The following ADAM29 variants were observed in gnomAD, a reference collection of about 807,000 sequenced individuals.
ADAM29 encodes the protein disintegrin and metalloproteinase domain-containing protein 29.
For synonymous variants in ADAM29, 367 were observed against 342.3 expected, an observed-to-expected ratio of 1.07 and a Z score of -0.80; for missense variants, 969 against 1,001.8, an observed-to-expected ratio of 0.97 and a Z score of 0.44.
At position 174,976,884 on chromosome 4, in the gene ADAM29, A is replaced by T. The variant is rs553621982; in HGVS notation, c.1359A>T (p.Lys453Asn). ...ACTGCAAGTTCCTACCATCAGGGAA[A>T]GTGTGTAGAAAGGAGGTCAATGAAT... ...CKDCKFLPSG[K>N]VCRKEVNECD... Residue 453 changes from lysine (K) to asparagine (N), a missense_variant, in exon 5 of 5, where the codon AAA becomes AAT. Lys to Asn is a moderately conservative substitution (Grantham distance 94). Coordinates refer to ENST00000359240, the MANE Select transcript of ADAM29 (RefSeq NM_014269.4). The T allele has an allele frequency of 1.7e-5, 28 of 1,614,166 alleles. No homozygotes were observed. In the South Asian group the frequency reaches 3.1e-4, roughly 18 times the overall value.
At chr4:174,933,540 C>G (rs1182370218) in intron 3 of ADAM29, among the ~76,000 whole-genome samples, 1 of 152,066 alleles carries the variant, frequency 6.6e-6, no homozygotes, top group Non-Finnish European at 1.5e-5. Context: ...AAACATATGT[C>G]ACAGGAGTTT....
At chr4:174,939,990 C>A (rs931381686) in intron 4 of ADAM29, among the ~76,000 whole-genome samples, 2 of 151,992 alleles carry the variant, frequency 1.3e-5, no homozygotes, top group Non-Finnish European at 2.9e-5. Flanking sequence ...ACCTCCCTAC[C>A]TTTCTCCATC....
intron 4 of ADAM29, 29 bp from the exon 5 acceptor site, chr4:174,975,317 C>T: frequency 2.5e-6 from 1 of 406,554 alleles, no homozygotes; most frequent in Non-Finnish European, 4.3e-6. Context: ...GTACACTCAT[C>T]CACATGCTGC....
chr4:174,931,582 A>G (rs1743880984), intron 3 of ADAM29, among the ~76,000 whole-genome samples: 1 of 152,202 alleles, frequency 6.6e-6, no homozygotes, highest in Non-Finnish European at 1.5e-5. Context: ...TTGTTGATAG[A>G]AACATAACTT....
intron 4 of ADAM29, among the ~76,000 whole-genome samples, chr4:174,965,887 G>C (rs371155698): frequency 6.6e-6 from 1 of 152,176 alleles, no homozygotes; most frequent in East Asian, 1.9e-4. Flanking sequence ...TGAATTAGTG[G>C]GTACACAATT....
chr4:174,976,753 G>C lies in ADAM29; in HGVS notation c.1228G>C (p.Glu410Gln), dbSNP rs1279771309. Reference protein sequence around the residue: ...CGNGVVEEGEECDCGPLKHCA... With the variant: ...CGNGVVEEGEQCDCGPLKHCA... ...GAATGGTGTTGTTGAAGAAGGAGAA[G>C]AGTGTGACTGTGGACCTTTAAAGCA... Residue 410 changes from glutamate to glutamine, a missense_variant, in exon 5 of 5, where the codon GAG becomes CAG. Glu to Gln is a conservative substitution (Grantham distance 29, BLOSUM62 2). Coordinates refer to ENST00000359240, the MANE Select transcript of ADAM29 (RefSeq NM_014269.4). The C allele has an allele frequency of 1.2e-6, 2 of 1,614,042 alleles. No individual in the cohort carries two copies. Among genetic ancestry groups the C allele is most frequent in the Non-Finnish European group, 1.7e-6 (2 of 1,179,944 alleles).
At chr4:174,970,811 G>A (rs1008273528) in intron 4 of ADAM29, among the ~76,000 whole-genome samples, 1 of 152,086 alleles carries the variant, frequency 6.6e-6, no homozygotes, top group Non-Finnish European at 1.5e-5. Flanking sequence ...TTTTATTTCT[G>A]TGGCATCTGT....
intron 4 of ADAM29, among the ~76,000 whole-genome samples, chr4:174,940,120 TA>T (rs2110969424): frequency 6.6e-6 from 1 of 152,276 alleles, no homozygotes; most frequent in South Asian, 2.1e-4. Flanking sequence ...CTATTGTTTT[TA>T]ATATCTCAGG....
intron 4 of ADAM29, among the ~76,000 whole-genome samples, chr4:174,970,629 A>G (rs1053204669): frequency 6.6e-6 from 1 of 152,160 alleles, no homozygotes; most frequent in African/African-American, 2.4e-5. Context: ...ACTATAAGGT[A>G]ATACATTTGT....
At chr4:174,933,891 G>A (rs1218674705) in intron 3 of ADAM29, among the ~76,000 whole-genome samples, 1 of 152,124 alleles carries the variant, frequency 6.6e-6, no homozygotes, top group East Asian at 1.9e-4. Flanking sequence ...TGGCATTTAG[G>A]TTAATTCTGT....
At chr4:174,931,269 T>G (rs1743854694) in intron 3 of ADAM29, 95 bp downstream of exon 3, 1 of 152,196 alleles carries the variant, frequency 6.6e-6, no homozygotes, top group Admixed American at 6.5e-5. Flanking sequence ...TATTCTGGAC[T>G]TACTTCTAAA....
At chr4:174,948,884 G>T (rs1002354413) in intron 4 of ADAM29, among the ~76,000 whole-genome samples, 1 of 152,124 alleles carries the variant, frequency 6.6e-6, no homozygotes, top group Non-Finnish European at 1.5e-5. Flanking sequence ...ATCGGCGGTG[G>T]CAAAGCAGCA....
intron 4 of ADAM29, among the ~76,000 whole-genome samples, chr4:174,957,658 T>C (rs1488371369): frequency 6.6e-6 from 1 of 151,798 alleles, no homozygotes; most frequent in Non-Finnish European, 1.5e-5. Flanking sequence ...AGCCAATTAA[T>C]ATTTTTAATA....
At position 174,975,617 on chromosome 4, in the gene ADAM29, C is replaced by T. The variant is rs544557652; in HGVS notation, c.92C>T (p.Pro31Leu). The change falls in exon 5 of 5, where the codon CCG becomes CTG. Residue 31 changes from proline to leucine, a missense_variant. Pro to Leu is a moderately conservative substitution (Grantham distance 98, BLOSUM62 -3). Transcript: ENST00000359240. ...GAGCACCCCCAATATCACAGCCCTC[C>T]GGATGTGGTGATTCCTGTGAGGATA... Reference protein sequence around the residue: ...QDEHPQYHSPPDVVIPVRITG... With the variant: ...QDEHPQYHSPLDVVIPVRITG... 9.4e-5 allele frequency: 152 copies of T among 1,610,306 alleles called. No homozygotes were observed. The Middle Eastern group carries it at 1.3e-3, about 14-fold the overall frequency.
In ADAM29 at chr4:174,976,944, T is replaced by C. The variant is rs1052901062; in HGVS notation, c.1419T>C (p.His473=). The C allele has an allele frequency of 9.3e-6, 15 of 1,613,958 alleles. 1 individual carries two copies. In the Admixed American group the frequency reaches 1.8e-4, roughly 20 times the overall value. ...DLPEWCNGTS[H]KCPDDFYVED... ...CAGAGTGGTGCAATGGTACTTCCCA[T>C]AAGTGCCCAGATGACTTTTATGTGG... Residue 473 remains histidine (H), a synonymous_variant, in exon 5 of 5, where the codon CAT becomes CAC. Coordinates refer to ENST00000359240, the MANE Select transcript of ADAM29 (RefSeq NM_014269.4).
In ADAM29 at chr4:174,975,628, A is replaced by T; in HGVS notation, c.103A>T (p.Ile35Phe). 1 of 1,612,360 alleles carries T rather than the reference A, an allele frequency of 6.2e-7. No individual in the cohort carries two copies. Among genetic ancestry groups the T allele is most frequent in the Admixed American group, 1.7e-5 (1 of 59,870 alleles). The change falls in exon 5 of 5, where the codon ATT (isoleucine) becomes TTT (phenylalanine). Residue 35 changes from isoleucine to phenylalanine, a missense_variant. Physicochemically the swap from Ile to Phe is conservative, Grantham distance 21. Transcript: ENST00000359240. Reference sequence around the variant, plus strand: ...ATATCACAGCCCTCCGGATGTGGTGATTCCTGTGAGGATAACTGGCACCAC... The same window carrying T: ...ATATCACAGCCCTCCGGATGTGGTGTTTCCTGTGAGGATAACTGGCACCAC... ...PQYHSPPDVV[I>F]PVRITGTTRG...
At chr4:174,960,003 C>G (rs1579062811) in intron 4 of ADAM29, among the ~76,000 whole-genome samples, 1 of 151,958 alleles carries the variant, frequency 6.6e-6, no homozygotes, top group Non-Finnish European at 1.5e-5. Context: ...AAAGACTACT[C>G]ACATTTTCTG....
intron 4 of ADAM29, among the ~76,000 whole-genome samples, chr4:174,951,281 C>T (rs1416946812): frequency 1.3e-5 from 2 of 152,158 alleles, no homozygotes; most frequent in Admixed American, 1.3e-4. Flanking sequence ...GTATCTCCTA[C>T]CATTCCTTGC....
In ADAM29 at chr4:174,977,680, G is replaced by A; in HGVS notation, c.2155G>A (p.Glu719Lys). The A allele has an allele frequency of 6.2e-7, 1 of 1,614,230 alleles. No individual in the cohort carries two copies. Among genetic ancestry groups the A allele is most frequent in the South Asian group, 1.1e-5 (1 of 91,080 alleles). Residue 719 changes from glutamate (E) to lysine (K), a missense_variant, in exon 5 of 5, where the codon GAA becomes AAA. Glu to Lys is a moderately conservative substitution (Grantham distance 56). Coordinates refer to ENST00000359240, the MANE Select transcript of ADAM29 (RefSeq NM_014269.4). ...TCAAACTCCATCTGCAAAAGAAGAG[G>A]AAAAAATTCAGCGTCGACCTCATGA... ...DVQTPSAKEE[E>K]KIQRRPHELP...
Sources: allele counts gnomAD v4.1 joint callset (sites outside exome capture counted in the v4.1 genomes callset), GRCh38; gene constraint gnomAD v4.1.1; transcripts MANE v1.5; gene names NCBI Gene and HGNC (gene_info 2026-07-23, HGNC 2026-07-21).